TRAP1: variants seen among roughly 807,000 people sequenced by gnomAD.
TRAP1 encodes TNF receptor associated protein 1.
In TRAP1, 102 loss-of-function variants were observed where a neutral mutation model predicts 89.1. That is an observed-to-expected ratio of 1.15 (90% confidence interval 0.98 to 1.35). TRAP1 has a LOEUF of 1.35. Ranked by LOEUF, TRAP1 falls within the 40% of genes most tolerant of loss-of-function variation. TRAP1 has a pLI of 0.00. For missense variants in TRAP1, 1,256 were observed against 945.3 expected, an observed-to-expected ratio of 1.33 and a Z score of -4.31; for synonymous variants, 508 against 388.0, an observed-to-expected ratio of 1.31 and a Z score of -3.64.
At chr16:3,674,317 T>G (rs747613002) in intron 9 of TRAP1, 22 bp downstream of exon 9, 1 of 1,612,816 alleles carries the variant, frequency 6.2e-7, no homozygotes, top group Non-Finnish European at 8.5e-7. Context: ...CTGAGGGCCG[T>G]GGGACTGCCA....
intron 4 of TRAP1, among the ~76,000 whole-genome samples, chr16:3,683,425 G>A (rs747814575): frequency 8.0e-5 from 11 of 137,492 alleles, no homozygotes; most frequent in Non-Finnish European, 1.4e-4. Flanking sequence ...CACTCTTGTT[G>A]CCCAAGCTAG....
intron 4 of TRAP1, among the ~76,000 whole-genome samples, chr16:3,680,610 C>T (rs1412708521): frequency 1.3e-5 from 2 of 152,240 alleles, no homozygotes; most frequent in Admixed American, 6.5e-5. Flanking sequence ...AGAGCCCTTG[C>T]GTTGGAGCCT....
At chr16:3,697,595 C>CG (rs1012679511) in intron 1 of TRAP1, among the ~76,000 whole-genome samples, 1 of 146,188 alleles carries the variant, frequency 6.8e-6, no homozygotes, top group Non-Finnish European at 1.5e-5. Flanking sequence ...ACCCGGGAGA[C>CG]GGAGTTTGCA....
At chr16:3,665,622 T>A in intron 12 of TRAP1, 1 of 252,750 alleles carries the variant, frequency 4.0e-6, no homozygotes. Context: ...GGGATCGGAG[T>A]CCTTGGCTTG....
In TRAP1 at chr16:3,671,782, TCCA is replaced by T. The variant is rs781445748; in HGVS notation, c.1172_1174del (p.Val391del). 2.5e-6 allele frequency: 4 copies of T among 1,612,560 alleles called. No individual in the cohort carries two copies. The South Asian group carries it at 3.3e-5, about 13-fold the overall frequency. Reference sequence around the variant, plus strand: ...GAGGTTCAGGGGAATGTCCTCACTGTCCACCACACCTGGGAGACACGGCAGTCA... The same window carrying T: ...GAGGTTCAGGGGAATGTCCTCACTGTCCACACCTGGGAGACACGGCAGTCA... On this transcript the variant is annotated inframe_deletion, in exon 11 of 18. Coordinates refer to ENST00000246957, the MANE Select transcript of TRAP1 (RefSeq NM_016292.3).
intron 11 of TRAP1, among the ~76,000 whole-genome samples, chr16:3,668,625 C>G (rs971845136): frequency 6.6e-6 from 1 of 152,140 alleles, no homozygotes; most frequent in Non-Finnish European, 1.5e-5. Flanking sequence ...CTTTTCTGAT[C>G]GAGATGAGTT....
chr16:3,685,131 C>T (rs990206699), intron 4 of TRAP1, among the ~76,000 whole-genome samples: 1 of 152,158 alleles, frequency 6.6e-6, no homozygotes, highest in African/African-American at 2.4e-5. Context: ...AAGCACAGGG[C>T]GCTGCAGCCC....
chr16:3,661,892 A>C, intron 16 of TRAP1, 95 bp downstream of exon 16: 2 of 1,441,486 alleles, frequency 1.4e-6, no homozygotes, highest in Non-Finnish European at 1.8e-6. Context: ...GGCCTCACGC[A>C]CTTTTCTTCT....
Position 3,661,832 on chromosome 16 carries a change from G to C in TRAP1, c.1940+155C>G, listed in dbSNP as rs532816064. ...GGCTGGCCAGGTTCCATTTCACATG[G>C]GTGCAGCCTAAACTGCATACAGCTC... On this transcript the variant is annotated intron_variant, in intron 16 of 17. Coordinates refer to ENST00000246957, the MANE Select transcript of TRAP1 (RefSeq NM_016292.3). 8 of 968,196 alleles carry C rather than the reference G, an allele frequency of 8.3e-6. No homozygotes were observed. The South Asian group carries it at 2.1e-4, about 25-fold the overall frequency. The allele number at this position is 968,196 out of a possible 1,614,324, so 60.0% of individuals were successfully genotyped here. A position where few individuals can be genotyped will look rare whatever the true frequency, so the allele number is the denominator to read the frequency against.
At chr16:3,698,514 G>A (rs1359349491) in intron 1 of TRAP1, among the ~76,000 whole-genome samples, 1 of 151,914 alleles carries the variant, frequency 6.6e-6, no homozygotes, top group Non-Finnish European at 1.5e-5. Flanking sequence ...GTGTTAGCCA[G>A]GATGGTCTTG....
At chr16:3,710,738 C>T (rs1272635232) in intron 1 of TRAP1, among the ~76,000 whole-genome samples, 3 of 152,094 alleles carry the variant, frequency 2.0e-5, no homozygotes. Flanking sequence ...CACATAGTTA[C>T]ATTAGAAGGA....
At chr16:3,709,121 T>C (rs1375851553) in intron 1 of TRAP1, among the ~76,000 whole-genome samples, 11 of 149,792 alleles carry the variant, frequency 7.3e-5, no homozygotes, top group African/African-American at 2.5e-4. Flanking sequence ...GGCCCGACAC[T>C]GTCTCAATTT....
chr16:3,700,028 T>A (rs2051344319), intron 1 of TRAP1, among the ~76,000 whole-genome samples: 1 of 152,002 alleles, frequency 6.6e-6, no homozygotes, highest in East Asian at 1.9e-4. Flanking sequence ...CATTTCCCAC[T>A]GTTAATTTTT....
chr16:3,708,154 C>T (rs907573685), intron 1 of TRAP1, among the ~76,000 whole-genome samples: 2 of 151,498 alleles, frequency 1.3e-5, no homozygotes, highest in African/African-American at 4.9e-5. Flanking sequence ...GCCAGGATCG[C>T]ACAACTGCAC....
intron 1 of TRAP1, among the ~76,000 whole-genome samples, chr16:3,715,457 A>G (rs1443788257): frequency 6.6e-6 from 1 of 152,136 alleles, no homozygotes; most frequent in Non-Finnish European, 1.5e-5. Flanking sequence ...GAAAAAGAAA[A>G]AGAGATAAAG....
At chr16:3,706,635 ATT>A (rs1164783580) in intron 1 of TRAP1, among the ~76,000 whole-genome samples, 1 of 150,660 alleles carries the variant, frequency 6.6e-6, no homozygotes, top group South Asian at 2.1e-4. Flanking sequence ...ATTTTTAAAA[ATT>A]TTTTTTCGAG....
intron 1 of TRAP1, among the ~76,000 whole-genome samples, chr16:3,714,965 T>A (rs2051578313): frequency 6.6e-6 from 1 of 152,188 alleles, no homozygotes; most frequent in South Asian, 2.1e-4. Context: ...AATTCTCTCA[T>A]CGTTCAATCA....
At chr16:3,703,279 T>G (rs2051393807) in intron 1 of TRAP1, among the ~76,000 whole-genome samples, 1 of 151,558 alleles carries the variant, frequency 6.6e-6, no homozygotes, top group Non-Finnish European at 1.5e-5. Flanking sequence ...AGACTGTCAT[T>G]AAATAACCCA....
chr16:3,674,468 A>G lies in TRAP1; in HGVS notation c.915T>C (p.Asp305=), dbSNP rs935600803. Reference sequence around the variant, plus strand: ...ACTCCTCATGTTGCCACTCACGGACATCCTTGGGGTCCATCATCCAGATGG... The same window carrying G: ...ACTCCTCATGTTGCCACTCACGGACGTCCTTGGGGTCCATCATCCAGATGG... ...LQAIWMMDPK[D]VREWQHEEFY... The change falls in exon 9 of 18, where the codon GAT becomes GAC. Residue 305 remains aspartate (D), a synonymous_variant. Coordinates refer to ENST00000246957, the MANE Select transcript of TRAP1 (RefSeq NM_016292.3). The G allele has an allele frequency of 2.5e-6, 4 of 1,613,884 alleles. No homozygotes were observed. The highest frequency in any genetic ancestry group is 1.3e-5 in the African/African-American group (1 of 74,940).
Sources: allele counts gnomAD v4.1 joint callset (sites outside exome capture counted in the v4.1 genomes callset), GRCh38; gene constraint gnomAD v4.1.1; transcripts MANE v1.5; gene names NCBI Gene and HGNC (gene_info 2026-07-23, HGNC 2026-07-21).